Variants in NDE1 observed in about 807,000 individuals in gnomAD.
NDE1 encodes the protein nuclear distribution protein nudE homolog 1.
A neutral mutation model predicts 43.4 loss-of-function variants in NDE1; 28 were observed. That is an observed-to-expected ratio of 0.65 (90% confidence interval 0.48 to 0.89). The LOEUF is 0.89. Among genes scored for constraint, NDE1 ranks in the 40% least tolerant of loss-of-function variants. The pLI is 0.00. For synonymous variants in NDE1, 184 were observed against 172.0 expected, an observed-to-expected ratio of 1.07 and a Z score of -0.55; for missense variants, 441 against 434.1, an observed-to-expected ratio of 1.02 and a Z score of -0.14.
chr16:15,711,910 C>T (rs902337150), intron 8 of NDE1, among the ~76,000 whole-genome samples: 4 of 152,144 alleles, frequency 2.6e-5, no homozygotes, highest in African/African-American at 9.7e-5. Context: ...TCAGGCTGGC[C>T]TTGAACTCCT....
chr16:15,667,649 G>A (rs1242360036), intron 3 of NDE1, among the ~76,000 whole-genome samples: 1 of 31,606 alleles, frequency 3.2e-5, no homozygotes, highest in African/African-American at 1.7e-4. Flanking sequence ...TTTTTTTTTT[G>A]AGATGGAGTT....
chr16:15,658,155 A>G (rs1315857161), intron 1 of NDE1, among the ~76,000 whole-genome samples: 4 of 152,168 alleles, frequency 2.6e-5, no homozygotes, highest in Non-Finnish European at 5.9e-5. Context: ...TGATAGCAAG[A>G]TGACCACCGG....
At chr16:15,645,546 A>T (rs544608644), upstream of NDE1, among the ~76,000 whole-genome samples, 12 of 152,356 alleles carry the variant, frequency 7.9e-5, no homozygotes, top group South Asian at 2.3e-3. Context: ...CTTTTAAAAG[A>T]AATGTAATTT....
In NDE1 at chr16:15,718,441, G is replaced by A. The variant is rs979879255; in HGVS notation, c.948-5750G>A. The A allele has an allele frequency of 8.3e-6, 13 of 1,558,694 alleles. No homozygotes were observed. In the African/African-American group the frequency reaches 1.2e-4, roughly 15 times the overall value. ...GCTTCTCGTCCTGGAGTGCGTTCCT[G>A]GGGGAAGGGCGGCCATGGTGGGGGC... On this transcript the variant is annotated intron_variant, in intron 8 of 8. Transcript: ENST00000396354.
intron 1 of NDE1, among the ~76,000 whole-genome samples, chr16:15,653,752 G>T (rs2036616112): frequency 6.7e-6 from 1 of 150,278 alleles, no homozygotes; most frequent in African/African-American, 2.4e-5. Context: ...TTTTGAGACG[G>T]GTTCTCGCTC....
At chr16:15,705,797 T>C (rs1053072407) in intron 8 of NDE1, among the ~76,000 whole-genome samples, 3 of 151,690 alleles carry the variant, frequency 2.0e-5, no homozygotes, top group East Asian at 1.9e-4. Context: ...CTGGCTAACA[T>C]GGTGAAACCG....
intron 4 of NDE1, among the ~76,000 whole-genome samples, chr16:15,685,953 A>G (rs79547903): frequency 1.4e-5 from 2 of 138,388 alleles, no homozygotes; most frequent in East Asian, 2.1e-4. Context: ...TTCCTGTAGG[A>G]TTTTTTTTTT....
rs2040398500 is a variant in NDE1, at chr16:15,720,305, T to C, written c.948-3886T>C. 6.2e-7 allele frequency: 1 copy of C among 1,613,868 alleles called. No homozygotes were observed. The highest frequency in any genetic ancestry group is 1.3e-5 in the African/African-American group (1 of 74,912). The stretch of plus-strand genomic sequence containing the variant: ...CTCGTCTTCCAGTTCCGTCTCATAC[T>C]CGTGAAGCTGGGCGAGGAATAGAGA... On this transcript the variant is annotated intron_variant, in intron 8 of 8. Transcript: ENST00000396354.
At chr16:15,644,085 A>AT (rs2036235591) in intron 1 of NDE1, among the ~76,000 whole-genome samples, 1 of 152,158 alleles carries the variant, frequency 6.6e-6, no homozygotes, top group Non-Finnish European at 1.5e-5. Flanking sequence ...GCTGATTACT[A>AT]TTTTCTGTTG....
Position 15,717,421 on chromosome 16 carries a change from C to A in NDE1, c.948-6770C>A, listed in dbSNP as rs948438611. ...AGAGCGCACTGAGACCATGCCTCTT[C>A]CTGCCTTGTTTGGCCTCTGCACGAG... On this transcript the variant is annotated intron_variant, in intron 8 of 8. Transcript: ENST00000396354. 2.6e-4 allele frequency: 402 copies of A among 1,531,512 alleles called. 1 individual carries two copies. Among genetic ancestry groups the A allele is most frequent in the Non-Finnish European group, 3.2e-4 (354 of 1,121,940 alleles). The allele number at this position is 1,531,512 out of a possible 1,614,324, so 94.9% of individuals were successfully genotyped here. A position where few individuals can be genotyped will look rare whatever the true frequency, so the allele number is the denominator to read the frequency against.
chr16:15,682,046 T>C (rs1212449363), intron 4 of NDE1, among the ~76,000 whole-genome samples: 1 of 152,238 alleles, frequency 6.6e-6, no homozygotes, highest in Non-Finnish European at 1.5e-5. Context: ...TTTTTCTTTC[T>C]TTTCTATTTT....
At chr16:15,700,052 G>T (rs1034636338) in intron 8 of NDE1, 18 of 1,172,944 alleles carry the variant, frequency 1.5e-5, no homozygotes, top group Non-Finnish European at 1.8e-5. Context: ...TGCAAAGAGG[G>T]ACAAAAGGGG....
chr16:15,717,622 C>T, intron 8 of NDE1: 1 of 560,440 alleles, frequency 1.8e-6, no homozygotes, highest in South Asian at 2.2e-5. Context: ...TGGTGAAACC[C>T]CGTCTCTATT....
At chr16:15,721,809 C>T in intron 8 of NDE1, 1 of 656,120 alleles carries the variant, frequency 1.5e-6, no homozygotes, top group South Asian at 1.8e-5. Context: ...ACTTCTACAT[C>T]AACCTTATGC....
intron 8 of NDE1, chr16:15,718,613 G>A (rs1426712673): frequency 1.0e-6 from 1 of 989,480 alleles, no homozygotes; most frequent in East Asian, 2.6e-5. Flanking sequence ...GGACAGCCGG[G>A]ACTCAGGCCG....
chr16:15,702,396 G>A (rs1480422690), intron 8 of NDE1, among the ~76,000 whole-genome samples: 1 of 152,152 alleles, frequency 6.6e-6, no homozygotes, highest in Non-Finnish European at 1.5e-5. Flanking sequence ...TGGGTGGGTG[G>A]TGGTGGTGGT....
chr16:15,686,518 T>A, intron 4 of NDE1: 2 of 985,310 alleles, frequency 2.0e-6, no homozygotes, highest in Non-Finnish European at 2.4e-6. Context: ...TCCACCTGCT[T>A]AAGTGCATCT....
chr16:15,718,804 A>C (rs763995815), intron 8 of NDE1: 74 of 417,822 alleles, frequency 1.8e-4, no homozygotes, highest in Non-Finnish European at 3.0e-4. Context: ...CCCCAATCTC[A>C]GAGGACGCTT....
chr16:15,687,346 T>TTGGATAAC, intron 4 of NDE1, 29 bp from the exon 5 acceptor site: 1 of 1,613,998 alleles, frequency 6.2e-7, no homozygotes, highest in Non-Finnish European at 8.5e-7. Flanking sequence ...GTTTGTCCTC[T>TTGGATAAC]TGGATAACTC....
Sources: gnomAD v4.1 joint callset for allele counts (sites outside exome capture counted in the v4.1 genomes callset) on GRCh38, gnomAD v4.1.1 for gene constraint, MANE v1.5 for transcripts, NCBI Gene and HGNC (gene_info 2026-07-23, HGNC 2026-07-21) for gene names.